The following THEMIS variants were observed in gnomAD, a reference collection of about 807,000 sequenced individuals.
THEMIS encodes the protein protein THEMIS.
Under a neutral mutation model 52.6 loss-of-function variants are expected in THEMIS, and 37 were observed. The ratio of observed to expected loss-of-function variants is 0.70; its 90% CI spans 0.54 to 0.93. THEMIS has a LOEUF of 0.93. Among genes scored for constraint, THEMIS ranks in the 40% least tolerant of loss-of-function variants. The pLI is 0.00. For synonymous variants in THEMIS, 292 were observed against 272.7 expected (o/e 1.07, Z -0.70); for missense variants, 808 against 763.1 (o/e 1.06, Z -0.69).
At chr6:127,768,959 G>C (rs1181466655) in intron 4 of THEMIS, among the ~76,000 whole-genome samples, 1 of 152,134 alleles carries the variant, frequency 6.6e-6, no homozygotes, top group African/African-American at 2.4e-5. Flanking sequence ...AGACAACATA[G>C]TGTTGAGCTT....
intron 4 of THEMIS, among the ~76,000 whole-genome samples, chr6:127,809,962 T>C (rs1321177747): frequency 1.3e-5 from 2 of 151,520 alleles, no homozygotes; most frequent in Non-Finnish European, 2.9e-5. Flanking sequence ...CAGTTAAAAG[T>C]CTCTAGAGTG....
chr6:127,771,970 A>G (rs1007112608), intron 4 of THEMIS, among the ~76,000 whole-genome samples: 21 of 152,154 alleles, frequency 1.4e-4, no homozygotes, highest in African/African-American at 4.6e-4. Context: ...TAAAAAATGG[A>G]AGACTGTAGT....
At chr6:127,849,888 G>T (rs1003359509) in intron 2 of THEMIS, among the ~76,000 whole-genome samples, 2 of 151,878 alleles carry the variant, frequency 1.3e-5, no homozygotes, top group Non-Finnish European at 2.9e-5. Context: ...TAAATAAATG[G>T]GACCTAATTA....
intron 4 of THEMIS, among the ~76,000 whole-genome samples, chr6:127,793,676 T>A (rs1022917767): frequency 6.6e-6 from 1 of 152,174 alleles, no homozygotes; most frequent in African/African-American, 2.4e-5. Context: ...CAAAGCAACC[T>A]GTAGATATTT....
the THEMIS span, among the ~76,000 whole-genome samples, chr6:127,696,793 A>T: frequency 6.6e-6 from 1 of 151,664 alleles, no homozygotes; most frequent in African/African-American, 2.4e-5. Context: ...CTGTCTTTAC[A>T]TAGTCTTTCC....
intron 4 of THEMIS, among the ~76,000 whole-genome samples, chr6:127,764,575 T>A (rs1242001456): frequency 6.6e-6 from 1 of 152,046 alleles, no homozygotes; most frequent in Non-Finnish European, 1.5e-5. Flanking sequence ...TCAGGCCTTA[T>A]TTCCTAAAAT....
intron 4 of THEMIS, among the ~76,000 whole-genome samples, chr6:127,722,311 G>A (rs564301845): frequency 4.6e-5 from 7 of 151,976 alleles, no homozygotes; most frequent in Admixed American, 3.9e-4. Context: ...TGCCACACTC[G>A]CTCTTCCTTG....
At chr6:127,774,700 C>T (rs555108525) in intron 4 of THEMIS, among the ~76,000 whole-genome samples, 16 of 152,314 alleles carry the variant, frequency 1.1e-4, no homozygotes, top group Non-Finnish European at 2.1e-4. Flanking sequence ...AAGGATGATG[C>T]ATTTTCCTCT....
intron 1 of THEMIS, among the ~76,000 whole-genome samples, chr6:127,897,055 G>C (rs367616390): frequency 6.6e-6 from 1 of 151,416 alleles, no homozygotes; most frequent in Non-Finnish European, 1.5e-5. Flanking sequence ...TAAGATGATA[G>C]AGAAAAGGCA....
At chr6:127,822,892 C>T (rs935093095) in intron 3 of THEMIS, among the ~76,000 whole-genome samples, 3 of 152,158 alleles carry the variant, frequency 2.0e-5, no homozygotes, top group East Asian at 1.9e-4. Flanking sequence ...TAACTTTTGC[C>T]TGAGTTTTGA....
In THEMIS at chr6:127,855,125, G is replaced by A. The variant is rs749376669; in HGVS notation, c.155C>T (p.Thr52Ile). The A allele has an allele frequency of 1.9e-6, 3 of 1,610,498 alleles. No homozygotes were observed. The highest frequency in any genetic ancestry group is 2.5e-6 in the Non-Finnish European group (3 of 1,178,214). Residue 52 changes from threonine to isoleucine, a missense_variant, in exon 2 of 6, where the codon ACT becomes ATT. Transcript: ENST00000368248. ...CFSTGEVIKI[T>I]GLKVKKIIAE... ...TATGATCTTCTTAACTTTGAGACCAGTAATTTTAATCACTTCTCCTGTTGA... is the reference window on the plus strand; with the variant it reads ...TATGATCTTCTTAACTTTGAGACCAATAATTTTAATCACTTCTCCTGTTGA...
At chr6:127,909,423 G>A (rs957931861) in intron 1 of THEMIS, among the ~76,000 whole-genome samples, 1 of 152,048 alleles carries the variant, frequency 6.6e-6, no homozygotes, top group African/African-American at 2.4e-5. Context: ...AGATCTGATG[G>A]TTTTATAAGG....
intron 2 of THEMIS, among the ~76,000 whole-genome samples, chr6:127,833,874 G>T (rs1778784085): frequency 6.6e-6 from 1 of 152,140 alleles, no homozygotes; most frequent in Admixed American, 6.6e-5. Flanking sequence ...AGAAACATGT[G>T]AAATGAGAAA....
rs537702148 is a variant in THEMIS, at chr6:127,851,427, T to A, written c.250+3603A>T. On this transcript the variant is annotated intron_variant, in intron 2 of 5. Coordinates refer to ENST00000368248, the MANE Select transcript of THEMIS (RefSeq NM_001010923.3). Reference sequence around the variant, plus strand: ...CAGGCCACGGAATGGGAGAAAATATTTGCAAGAGTCAAATCTGATAAAGAC... The same window carrying A: ...CAGGCCACGGAATGGGAGAAAATATATGCAAGAGTCAAATCTGATAAAGAC... Among the ~76,000 whole-genome samples, 151 of 151,694 alleles carry A rather than the reference T, an allele frequency of 1.0e-3. 1 individual carries two copies. The highest frequency in any genetic ancestry group is 2.5e-3 in the South Asian group (12 of 4,816).
intron 4 of THEMIS, among the ~76,000 whole-genome samples, chr6:127,808,936 G>A (rs563827295): frequency 6.6e-6 from 1 of 152,278 alleles, no homozygotes; most frequent in African/African-American, 2.4e-5. Context: ...ACCTGCTATA[G>A]GTTAATTTGG....
In THEMIS at chr6:127,817,265, C is replaced by T. The variant is rs118034011; in HGVS notation, c.710-3334G>A. On this transcript the variant is annotated intron_variant, in intron 3 of 5. Transcript: ENST00000368248. ...TGAATTAATGAATAAAAAATAATTG[C>T]CAGAACAAAGTCCATGAGTGACCAC... Among the ~76,000 whole-genome samples, 88 of 152,084 alleles carry T rather than the reference C, an allele frequency of 5.8e-4. 1 individual carries two copies. In the East Asian group the frequency reaches 0.016, roughly 28 times the overall value.
chr6:127,854,215 T>C (rs1779523587), intron 2 of THEMIS, among the ~76,000 whole-genome samples: 2 of 151,748 alleles, frequency 1.3e-5, no homozygotes, highest in African/African-American at 4.8e-5. Context: ...TCACCTGTTT[T>C]TGTAAATAAA....
intron 4 of THEMIS, among the ~76,000 whole-genome samples, chr6:127,776,650 C>T (rs1776576157): frequency 6.6e-6 from 1 of 152,166 alleles, no homozygotes; most frequent in Non-Finnish European, 1.5e-5. Context: ...ATTCTTGACT[C>T]ACAGAAACTG....
chr6:127,775,690 T>G (rs1017376303), intron 4 of THEMIS, among the ~76,000 whole-genome samples: 1 of 152,100 alleles, frequency 6.6e-6, no homozygotes, highest in Non-Finnish European at 1.5e-5. Context: ...AACGATCTTC[T>G]GTTTTGCCTT....
Sources: allele counts gnomAD v4.1 joint callset (sites outside exome capture counted in the v4.1 genomes callset), GRCh38; gene constraint gnomAD v4.1.1; transcripts MANE v1.5; gene names NCBI Gene and HGNC (gene_info 2026-07-23, HGNC 2026-07-21).